Variants in SNX30 observed in about 807,000 individuals in gnomAD.
The protein encoded by SNX30 is sorting nexin-30.
SNX30 carries 24 observed loss-of-function variants against 46.4 expected under a neutral mutation model. The observed-to-expected ratio is 0.52, with a 90% confidence interval of 0.37 to 0.73. The LOEUF (loss-of-function observed/expected upper bound fraction) is 0.73, where lower values mean the gene tolerates loss of function less well. Ranked by LOEUF, SNX30 falls within the 30% of genes least tolerant of loss-of-function variation. SNX30 has a pLI of 0.00. For synonymous variants in SNX30, 189 were observed against 211.5 expected (o/e 0.89, Z 0.92); for missense variants, 533 against 555.7 (o/e 0.96, Z 0.41).
At chr9:112,818,066 T>C (rs1840430459) in intron 3 of SNX30, among the ~76,000 whole-genome samples, 1 of 152,326 alleles carries the variant, frequency 6.6e-6, no homozygotes. Flanking sequence ...CAGAATCCAT[T>C]GCCACAGTTT....
intron 1 of SNX30, among the ~76,000 whole-genome samples, chr9:112,791,877 A>T (rs186179689): frequency 1.1e-4 from 17 of 152,320 alleles, no homozygotes; most frequent in Admixed American, 6.5e-4. Context: ...TATTAATGTA[A>T]TAAATTGTAT....
At chr9:112,765,759 C>T (rs1186499997) in intron 1 of SNX30, among the ~76,000 whole-genome samples, 8 of 152,178 alleles carry the variant, frequency 5.3e-5, no homozygotes, top group Admixed American at 4.6e-4. Context: ...ACATATCCAT[C>T]ACCTCACATA....
intron 3 of SNX30, among the ~76,000 whole-genome samples, chr9:112,827,060 G>C (rs1588129555): frequency 6.6e-6 from 1 of 152,088 alleles, no homozygotes; most frequent in Non-Finnish European, 1.5e-5. Context: ...TTTCCACTGT[G>C]CCCTTTTTGG....
intron 4 of SNX30, among the ~76,000 whole-genome samples, chr9:112,831,139 T>TAAAAAAAA (rs77607146): frequency 8.4e-6 from 1 of 119,148 alleles, no homozygotes; most frequent in African/African-American, 3.1e-5. Context: ...CCTATCTCTT[T>TAAAAAAAA]AAAAAAAAAA....
chr9:112,806,808 C>T (rs546051354), intron 2 of SNX30, among the ~76,000 whole-genome samples: 21 of 152,104 alleles, frequency 1.4e-4, no homozygotes, highest in African/African-American at 3.9e-4. Flanking sequence ...TTTTTCTTTG[C>T]GTTTACATTC....
At chr9:112,825,334 A>G (rs1482898975) in intron 3 of SNX30, among the ~76,000 whole-genome samples, 2 of 152,136 alleles carry the variant, frequency 1.3e-5, no homozygotes, top group East Asian at 1.9e-4. Flanking sequence ...TCACTCTGTC[A>G]CCCAGGCTGG....
intron 6 of SNX30, among the ~76,000 whole-genome samples, chr9:112,843,109 T>C (rs1840884455): frequency 6.6e-6 from 1 of 152,180 alleles, no homozygotes; most frequent in Admixed American, 6.5e-5. Flanking sequence ...AGTATTAGCA[T>C]TGTCATGACT....
rs553675590 is a variant in SNX30, at chr9:112,836,049, G to T, written c.619-165G>T. 1.1e-4 allele frequency among the ~76,000 whole-genome samples: 16 copies of T among 152,306 alleles called. 1 individual carries two copies. The South Asian group carries it at 3.3e-3, about 32-fold the overall frequency. On this transcript the variant is annotated intron_variant, in intron 4 of 8. Transcript: ENST00000374232. Reference sequence around the variant, plus strand: ...GGAGCCTGAGTCTGGTGGTTATGACGTCCAGGCCAGGTTCCTCCTGTGAAT... The same window carrying T: ...GGAGCCTGAGTCTGGTGGTTATGACTTCCAGGCCAGGTTCCTCCTGTGAAT...
At chr9:112,763,889 A>C (rs1375474391) in intron 1 of SNX30, among the ~76,000 whole-genome samples, 1 of 151,990 alleles carries the variant, frequency 6.6e-6, no homozygotes, top group Non-Finnish European at 1.5e-5. Context: ...TTTACGGGGT[A>C]CCTATGTAAT....
intron 6 of SNX30, among the ~76,000 whole-genome samples, chr9:112,849,148 T>G (rs1364067060): frequency 6.6e-6 from 1 of 152,228 alleles, no homozygotes; most frequent in Non-Finnish European, 1.5e-5. Context: ...GCCCTGCTGT[T>G]CCATTGCACC....
intron 1 of SNX30, among the ~76,000 whole-genome samples, chr9:112,790,934 T>C (rs972695352): frequency 1.3e-5 from 2 of 152,222 alleles, no homozygotes; most frequent in Admixed American, 1.3e-4. Flanking sequence ...AACTAGACTT[T>C]CCAGAATGGT....
At chr9:112,862,414 C>T (rs1319449903) in intron 7 of SNX30, among the ~76,000 whole-genome samples, 3 of 152,156 alleles carry the variant, frequency 2.0e-5, no homozygotes, top group Non-Finnish European at 4.4e-5. Context: ...TGGCCTGTGC[C>T]TGTGGGGAGG....
intron 6 of SNX30, among the ~76,000 whole-genome samples, chr9:112,848,545 G>C (rs936200258): frequency 2.6e-5 from 4 of 152,194 alleles, no homozygotes; most frequent in Admixed American, 1.3e-4. Context: ...GCCTTGAACA[G>C]GGCCCGCCAC....
intron 1 of SNX30, among the ~76,000 whole-genome samples, chr9:112,804,450 C>T (rs938468635): frequency 6.6e-6 from 1 of 152,236 alleles, no homozygotes; most frequent in African/African-American, 2.4e-5. Flanking sequence ...CAGGCGTGAG[C>T]CACTGCGCCC....
intron 1 of SNX30, among the ~76,000 whole-genome samples, chr9:112,768,243 G>A (rs1839577787): frequency 6.6e-6 from 1 of 152,124 alleles, no homozygotes; most frequent in Non-Finnish European, 1.5e-5. Flanking sequence ...AATGTCATGC[G>A]AATTCTTGCT....
chr9:112,822,428 T>G (rs1431917172), intron 3 of SNX30, among the ~76,000 whole-genome samples: 2 of 152,094 alleles, frequency 1.3e-5, no homozygotes, highest in Non-Finnish European at 2.9e-5. Context: ...ACATATTTAA[T>G]GCATACGATT....
At chr9:112,849,522 A>G (rs760242820) in intron 6 of SNX30, among the ~76,000 whole-genome samples, 4 of 152,218 alleles carry the variant, frequency 2.6e-5, no homozygotes, top group Non-Finnish European at 5.9e-5. Flanking sequence ...AAGATGAATG[A>G]GTGTGGGGAG....
rs563347170 is a variant in SNX30 at position 112,755,951 on chromosome 9, C to T, written c.156+4794C>T. 9.8e-4 allele frequency among the ~76,000 whole-genome samples: 149 copies of T among 152,232 alleles called. 1 individual carries two copies. The highest frequency in any genetic ancestry group is 3.2e-3 in the African/African-American group (131 of 41,554). ...GTCTAAATTGGGTCAGGCGCCTAAA[C>T]CAGTCTCTGATTCTGATTGCGCAGA... On this transcript the variant is annotated intron_variant, in intron 1 of 8. Coordinates refer to ENST00000374232, the MANE Select transcript of SNX30 (RefSeq NM_001012994.2).
chr9:112,794,652 T>C (rs1840081104), intron 1 of SNX30, among the ~76,000 whole-genome samples: 1 of 152,238 alleles, frequency 6.6e-6, no homozygotes, highest in Non-Finnish European at 1.5e-5. Flanking sequence ...AATTAGATTG[T>C]TTTAGCATAA....
Sources: gnomAD v4.1 joint callset for allele counts (sites outside exome capture counted in the v4.1 genomes callset) on GRCh38, gnomAD v4.1.1 for gene constraint, MANE v1.5 for transcripts, NCBI Gene and HGNC (gene_info 2026-07-23, HGNC 2026-07-21) for gene names.